The following GPC3 variants were observed in gnomAD, a reference collection of about 807,000 sequenced individuals.
The protein encoded by GPC3 is glypican 3.
Under a neutral mutation model 34.4 loss-of-function variants are expected in GPC3, and 3 were observed. The ratio of observed to expected loss-of-function variants is 0.09; its 90% CI spans 0.04 to 0.23. The LOEUF is 0.23. Ranked by LOEUF, GPC3 falls within the 10% of genes least tolerant of loss-of-function variation. The pLI is 1.00. For missense variants in GPC3, 351 were observed against 445.6 expected, an observed-to-expected ratio of 0.79 and a Z score of 1.91; for synonymous variants, 177 against 174.0, an observed-to-expected ratio of 1.02 and a Z score of -0.13.
intron 1 of GPC3, among the ~76,000 whole-genome samples, chrX:133,972,550 A>C (rs1181672418): frequency 2.7e-5 from 3 of 112,414 alleles, no homozygotes; most frequent in Non-Finnish European, 5.6e-5. Flanking sequence ...ACTAGTTACA[A>C]ATTATTAGCC....
chrX:133,896,226 C>T (rs1329408343), intron 2 of GPC3, among the ~76,000 whole-genome samples: 14 of 111,060 alleles, frequency 1.3e-4, no homozygotes, highest in Admixed American at 9.6e-4. Context: ...CCAGGCATGG[C>T]GGCACACGCC....
rs188366004 is a variant in GPC3 at position 133,824,040 on chromosome X, C to A, written c.338-69864G>T. 7.3e-3 allele frequency among the ~76,000 whole-genome samples: 711 copies of A among 98,017 alleles called. 8 individuals are homozygous for A. Among genetic ancestry groups the A allele is most frequent in the Non-Finnish European group, 0.011 (567 of 49,645 alleles). 85.1% of individuals were successfully genotyped at this position (98,017 alleles called of 115,157 possible). A position where few individuals can be genotyped will look rare whatever the true frequency, so the allele number is the denominator to read the frequency against. ...GTGTGTATATGGCAATCCCCTAGAG[C>A]ACTAAAAACTAAAAACACTAAAAAA... On this transcript the variant is annotated intron_variant, in intron 2 of 7. Coordinates refer to ENST00000370818, the MANE Select transcript of GPC3 (RefSeq NM_004484.4).
At chrX:133,762,669 A>C (rs1381088958) in intron 2 of GPC3, 7 of 309,586 alleles carry the variant, frequency 2.3e-5, no homozygotes, top group Non-Finnish European at 4.0e-5. Context: ...ATGAGATACC[A>C]TCTCACACCA....
chrX:133,887,077 G>A (rs749906202), intron 2 of GPC3, among the ~76,000 whole-genome samples: 4 of 112,244 alleles, frequency 3.6e-5, no homozygotes, highest in Non-Finnish European at 7.5e-5. Flanking sequence ...CACGATCATG[G>A]CTCACTGTAG....
At chrX:133,708,326 T>C (rs889223838) in intron 3 of GPC3, among the ~76,000 whole-genome samples, 1 of 112,021 alleles carries the variant, frequency 8.9e-6, no homozygotes, top group African/African-American at 3.2e-5. Flanking sequence ...CAGAACACTT[T>C]TTAAAATTTT....
At chrX:133,593,330 C>CAAAAAAAAAAAAAAAAAAAAA (rs756083308) in intron 7 of GPC3, among the ~76,000 whole-genome samples, 2 of 9,892 alleles carry the variant, frequency 2.0e-4, no homozygotes, top group African/African-American at 3.4e-4. Flanking sequence ...GAGACTGTCT[C>CAAAAAAAAAAAAAAAAAAAAA]AAAAAAAAAA....
chrX:133,549,474 C>A (rs2069412834), intron 7 of GPC3, among the ~76,000 whole-genome samples: 1 of 111,307 alleles, frequency 9.0e-6, no homozygotes, highest in African/African-American at 3.3e-5. Flanking sequence ...TTCTTGCTTT[C>A]CAGTTTCAAC....
chrX:133,739,467 T>C (rs748394389), intron 3 of GPC3, among the ~76,000 whole-genome samples: 1 of 112,004 alleles, frequency 8.9e-6, no homozygotes, highest in African/African-American at 3.2e-5. Flanking sequence ...TTGGTATTTT[T>C]ATCCCCATTC....
intron 7 of GPC3, among the ~76,000 whole-genome samples, chrX:133,559,572 G>T (rs1195093039): frequency 3.6e-5 from 4 of 111,013 alleles, no homozygotes; most frequent in African/African-American, 1.3e-4. Flanking sequence ...TTCTGAGCAG[G>T]GGCAGAGCCT....
intron 7 of GPC3, among the ~76,000 whole-genome samples, chrX:133,569,640 T>C (rs1236810348): frequency 1.8e-5 from 2 of 112,123 alleles, no homozygotes; most frequent in African/African-American, 6.5e-5. Context: ...AAACTAACAT[T>C]TGGAAATTAA....
intron 2 of GPC3, among the ~76,000 whole-genome samples, chrX:133,764,568 T>C (rs183919157): frequency 9.2e-4 from 103 of 112,138 alleles, no homozygotes; most frequent in Admixed American, 6.4e-3. Flanking sequence ...TCGCTCAGAA[T>C]GTGTCTGGTT....
At chrX:133,842,054 C>T (rs995967467) in intron 2 of GPC3, among the ~76,000 whole-genome samples, 1 of 112,219 alleles carries the variant, frequency 8.9e-6, no homozygotes, top group African/African-American at 3.2e-5. Flanking sequence ...TGGTGGCTCA[C>T]GCCTGTAATC....
intron 5 of GPC3, among the ~76,000 whole-genome samples, chrX:133,685,154 C>T (rs748101307): frequency 9.0e-6 from 1 of 111,288 alleles, no homozygotes; most frequent in East Asian, 2.8e-4. Context: ...CAAAATATAC[C>T]GTGTTCTTAA....
At chrX:133,840,110 G>A (rs992685327) in intron 2 of GPC3, among the ~76,000 whole-genome samples, 46 of 110,480 alleles carry the variant, frequency 4.2e-4, no homozygotes, top group Admixed American at 9.7e-5. Context: ...GGTGATTTTC[G>A]GCAAGTCACA....
chrX:133,643,612 T>G (rs914859411), intron 6 of GPC3, among the ~76,000 whole-genome samples: 1 of 111,753 alleles, frequency 8.9e-6, no homozygotes, highest in African/African-American at 3.3e-5. Flanking sequence ...CACATACATA[T>G]ATACACATTA....
intron 2 of GPC3, among the ~76,000 whole-genome samples, chrX:133,926,837 C>A (rs1162377431): frequency 2.1e-5 from 2 of 97,521 alleles, no homozygotes; most frequent in Non-Finnish European, 4.1e-5. Context: ...TGCAATATGA[C>A]AGCAGGATTC....
chrX:133,631,717 T>G (rs2124371237), intron 6 of GPC3, among the ~76,000 whole-genome samples: 1 of 111,457 alleles, frequency 9.0e-6, no homozygotes, highest in East Asian at 2.8e-4. Context: ...CTACACCATT[T>G]TACTTTCCCA....
intron 7 of GPC3, among the ~76,000 whole-genome samples, chrX:133,588,919 C>T (rs1439792228): frequency 9.0e-6 from 1 of 111,331 alleles, no homozygotes; most frequent in Non-Finnish European, 1.9e-5. Context: ...CTAAATGGGG[C>T]TCACAGCTGT....
intron 6 of GPC3, among the ~76,000 whole-genome samples, chrX:133,641,599 A>G (rs2070482316): frequency 9.0e-6 from 1 of 111,690 alleles, no homozygotes; most frequent in South Asian, 3.8e-4. Context: ...AGATACTGGG[A>G]CACAGGAAAA....
Sources: allele counts gnomAD v4.1 joint callset (sites outside exome capture counted in the v4.1 genomes callset), GRCh38; gene constraint gnomAD v4.1.1; transcripts MANE v1.5; gene names NCBI Gene and HGNC (gene_info 2026-07-23, HGNC 2026-07-21).